Variants in FSTL5 observed in about 807,000 individuals in gnomAD.
FSTL5 encodes the protein follistatin-related protein 5.
FSTL5 carries 62 observed loss-of-function variants against 89.1 expected under a neutral mutation model. That is an observed-to-expected ratio of 0.70 (90% CI 0.57 to 0.86). The LOEUF (loss-of-function observed/expected upper bound fraction) is 0.86, where lower values mean the gene tolerates loss of function less well. FSTL5 is among the 40% of genes least tolerant of loss of function. FSTL5 has a pLI of 0.00. For missense variants in FSTL5, 1,057 were observed against 1,001.6 expected (o/e 1.06, Z -0.75); for synonymous variants, 383 against 346.2 (o/e 1.11, Z -1.18).
Position 161,588,108 on chromosome 4 carries a change from G to A in FSTL5, c.895-533C>T, listed in dbSNP as rs551991667. On this transcript the variant is annotated intron_variant, in intron 7 of 15. Coordinates refer to ENST00000306100, the MANE Select transcript of FSTL5 (RefSeq NM_020116.5). ...ACAATTGCTTGAAACTGGGAGGCAG[G>A]GGTTGCAGTGACTTGAGAACGTGCC... 3.9e-5 allele frequency among the ~76,000 whole-genome samples: 6 copies of A among 152,136 alleles called. No individual in the cohort carries two copies. The South Asian group carries it at 6.2e-4, about 16-fold the overall frequency.
At chr4:161,697,959 ATG>A (rs919376075) in intron 6 of FSTL5, among the ~76,000 whole-genome samples, 2 of 117,440 alleles carry the variant, frequency 1.7e-5, no homozygotes, top group African/African-American at 5.2e-5. Context: ...GTGTGTGTGT[ATG>A]TGTGTGTGTG....
chr4:161,579,745 G>GAAAAAAAAAA (rs1280552509), intron 8 of FSTL5, among the ~76,000 whole-genome samples: 2 of 48,106 alleles, frequency 4.2e-5, no homozygotes, highest in Non-Finnish European at 1.1e-4. Flanking sequence ...AAAAAAAAAA[G>GAAAAAAAAAA]AAAGAAAAAG....
chr4:161,898,979 A>G (rs1030767900), intron 4 of FSTL5, among the ~76,000 whole-genome samples: 1 of 152,032 alleles, frequency 6.6e-6, no homozygotes, highest in Non-Finnish European at 1.5e-5. Context: ...CTCTGTCTCC[A>G]TCTCCTTCCT....
intron 10 of FSTL5, among the ~76,000 whole-genome samples, chr4:161,512,735 G>T (rs1361029441): frequency 6.6e-6 from 1 of 151,932 alleles, no homozygotes; most frequent in African/African-American, 2.4e-5. Context: ...ACTACATAAT[G>T]AATTTAAAAT....
At position 161,565,379 on chromosome 4, in the gene FSTL5, T is replaced by G. The variant is rs183597378; in HGVS notation, c.1015+22076A>C. On this transcript the variant is annotated intron_variant, in intron 8 of 15. Transcript: ENST00000306100. Reference sequence around the variant, plus strand: ...AATGGAAATCCACATAAACTTAATGTAATCTCAATAAATATATTGAAATAA... The same window carrying G: ...AATGGAAATCCACATAAACTTAATGGAATCTCAATAAATATATTGAAATAA... Among the ~76,000 whole-genome samples the G allele has an allele frequency of 1.6e-3, 239 of 152,064 alleles. 2 individuals carry two copies. Among genetic ancestry groups the G allele is most frequent in the African/African-American group, 5.5e-3 (228 of 41,530 alleles).
intron 7 of FSTL5, among the ~76,000 whole-genome samples, chr4:161,651,260 T>C (rs1343394154): frequency 2.6e-5 from 4 of 151,724 alleles, no homozygotes; most frequent in African/African-American, 9.7e-5. Context: ...GCAGATTTTT[T>C]AGAACAGGGA....
At chr4:161,469,574 T>G (rs1733863408) in intron 13 of FSTL5, among the ~76,000 whole-genome samples, 1 of 152,166 alleles carries the variant, frequency 6.6e-6, no homozygotes, top group African/African-American at 2.4e-5. Context: ...TTTATATGCA[T>G]ATTGGCTATA....
intron 4 of FSTL5, among the ~76,000 whole-genome samples, chr4:161,834,310 C>T (rs1161793448): frequency 6.6e-6 from 1 of 152,042 alleles, no homozygotes; most frequent in South Asian, 2.1e-4. Flanking sequence ...CTCAAAATAA[C>T]AAGAGTTATC....
intron 4 of FSTL5, 29 bp downstream of exon 4, chr4:161,920,375 G>C: frequency 6.2e-7 from 1 of 1,602,996 alleles, no homozygotes; most frequent in Non-Finnish European, 8.5e-7. Flanking sequence ...ATAGAGTGGG[G>C]TGACACTTAA....
At chr4:161,723,283 A>C (rs1370431668) in intron 6 of FSTL5, among the ~76,000 whole-genome samples, 1 of 152,214 alleles carries the variant, frequency 6.6e-6, no homozygotes, top group African/African-American at 2.4e-5. Context: ...CACTAATAAG[A>C]AATTTGTTGT....
chr4:161,837,349 T>C (rs774538851), intron 4 of FSTL5, among the ~76,000 whole-genome samples: 4 of 152,076 alleles, frequency 2.6e-5, no homozygotes, highest in African/African-American at 4.8e-5. Context: ...AAAAAACCTA[T>C]AGACAATTTA....
intron 4 of FSTL5, among the ~76,000 whole-genome samples, chr4:161,825,169 A>C (rs115949157): frequency 1.3e-5 from 2 of 152,052 alleles, no homozygotes; most frequent in Non-Finnish European, 2.9e-5. Flanking sequence ...TTTGCTTTTA[A>C]TTCTGTTTAT....
intron 1 of FSTL5, among the ~76,000 whole-genome samples, chr4:162,156,533 A>T (rs574311836): frequency 2.6e-5 from 4 of 152,290 alleles, no homozygotes; most frequent in African/African-American, 9.6e-5. Flanking sequence ...AAAACGTGGT[A>T]CACATACACC....
chr4:162,062,752 C>T (rs929052369), intron 2 of FSTL5, among the ~76,000 whole-genome samples: 1 of 150,906 alleles, frequency 6.6e-6, no homozygotes, highest in African/African-American at 2.4e-5. Flanking sequence ...TATACACACA[C>T]CTTTTTGCTC....
At chr4:161,663,919 C>A (rs1736799302) in intron 6 of FSTL5, among the ~76,000 whole-genome samples, 1 of 152,206 alleles carries the variant, frequency 6.6e-6, no homozygotes, top group Non-Finnish European at 1.5e-5. Flanking sequence ...CACCCACGGG[C>A]TCAACACCAC....
intron 2 of FSTL5, among the ~76,000 whole-genome samples, chr4:162,065,819 TTA>T (rs1260745536): frequency 6.6e-6 from 1 of 152,078 alleles, no homozygotes; most frequent in Non-Finnish European, 1.5e-5. Flanking sequence ...CCAAAATTGA[TTA>T]TGTTATCATT....
chr4:162,005,642 C>T (rs1170765971), intron 3 of FSTL5, among the ~76,000 whole-genome samples: 1 of 152,024 alleles, frequency 6.6e-6, no homozygotes, highest in Non-Finnish European at 1.5e-5. Flanking sequence ...CTGCAAGCCC[C>T]ATGCTCCTTT....
intron 6 of FSTL5, among the ~76,000 whole-genome samples, chr4:161,700,604 T>C (rs1738355298): frequency 6.6e-6 from 1 of 152,108 alleles, no homozygotes; most frequent in African/African-American, 2.4e-5. Context: ...CTCGAATTCC[T>C]AGGTTCAAGC....
At chr4:161,632,034 A>G (rs1485536928) in intron 7 of FSTL5, among the ~76,000 whole-genome samples, 2 of 152,302 alleles carry the variant, frequency 1.3e-5, no homozygotes, top group East Asian at 3.9e-4. Flanking sequence ...CAAATTTAAT[A>G]ATTATTTTCA....
Sources: allele counts gnomAD v4.1 joint callset (sites outside exome capture counted in the v4.1 genomes callset), GRCh38; gene constraint gnomAD v4.1.1; transcripts MANE v1.5; gene names NCBI Gene and HGNC (gene_info 2026-07-23, HGNC 2026-07-21).